CSNK1G2: variants seen among roughly 807,000 people sequenced by gnomAD.
The protein encoded by CSNK1G2 is casein kinase 1 gamma 2, also known as casein kinase I isoform gamma-2.
A neutral mutation model predicts 48.0 loss-of-function variants in CSNK1G2; 11 were observed. The observed-to-expected ratio is 0.23, with a 90% CI of 0.14 to 0.38. CSNK1G2 has a LOEUF of 0.38. Among genes scored for constraint, CSNK1G2 ranks in the 10% least tolerant of loss-of-function variants. The pLI, the probability that CSNK1G2 is intolerant of heterozygous loss-of-function variation, is 1.00. For synonymous variants in CSNK1G2, 337 were observed against 254.1 expected, an observed-to-expected ratio of 1.33 and a Z score of -3.10; for missense variants, 446 against 595.5, an observed-to-expected ratio of 0.75 and a Z score of 2.61.
chr19:1,972,161 G>T (rs2015596408), intron 2 of CSNK1G2, among the ~76,000 whole-genome samples: 1 of 152,236 alleles, frequency 6.6e-6, no homozygotes, highest in South Asian at 2.1e-4. Context: ...GCACATCGTG[G>T]TTTCTCAGGG....
intron 1 of CSNK1G2, among the ~76,000 whole-genome samples, chr19:1,964,279 T>G (rs1313906588): frequency 6.3e-5 from 9 of 143,982 alleles, no homozygotes; most frequent in African/African-American, 1.6e-4. Flanking sequence ...GGTGACAGAG[T>G]GAGACCCTGT....
intron 1 of CSNK1G2, among the ~76,000 whole-genome samples, chr19:1,962,744 T>TCC (rs1445693355): frequency 6.6e-6 from 1 of 151,690 alleles, no homozygotes; most frequent in Non-Finnish European, 1.5e-5. Context: ...GGAGGACGAC[T>TCC]CGGTGCAGCA....
chr19:1,949,034 G>A (rs555933747), intron 1 of CSNK1G2, among the ~76,000 whole-genome samples: 339 of 152,346 alleles, frequency 2.2e-3, no homozygotes, highest in Non-Finnish European at 4.1e-3. Flanking sequence ...GGGTCTCGCT[G>A]TCTCGGGTGG....
chr19:1,956,863 A>AG (rs1351259708), intron 1 of CSNK1G2, among the ~76,000 whole-genome samples: 6 of 152,184 alleles, frequency 3.9e-5, no homozygotes, highest in Non-Finnish European at 7.4e-5. Flanking sequence ...TCCGGAATTT[A>AG]GGGCTCAGCC....
chr19:1,979,449 C>T, intron 8 of CSNK1G2, 46 bp downstream of exon 8: 2 of 702,880 alleles, frequency 2.8e-6, no homozygotes, highest in East Asian at 4.9e-5. Flanking sequence ...ACCCCCCACC[C>T]CCCACCCCCA....
rs1167496653 is a variant in CSNK1G2 at position 1,978,780 on chromosome 19, C to A, written c.447+30C>A. 1 of 1,498,638 alleles carries A rather than the reference C, an allele frequency of 6.7e-7. No homozygotes were observed. Among genetic ancestry groups the A allele is most frequent in the East Asian group, 2.5e-5 (1 of 39,678 alleles). 92.8% of individuals were successfully genotyped at this position (1,498,638 alleles called of 1,614,324 possible). A position where few individuals can be genotyped will look rare whatever the true frequency, so the allele number is the denominator to read the frequency against. ...GCGGCGGGCGGGGCGGGGCGGGGCT[C>A]GGAGGGAAGAGGGTGGCCCTGGAGG... On this transcript the variant is annotated intron_variant, in intron 5 of 11. Transcript: ENST00000255641. This position sits in a 1 kb window ranked among gnomAD's most constrained non-coding sequence, Gnocchi z 7.3.
At position 1,978,766 on chromosome 19, in the gene CSNK1G2, G is replaced by A; in HGVS notation, c.447+16G>A. 1 of 1,567,890 alleles carries A rather than the reference G, an allele frequency of 6.4e-7. No homozygotes were observed. The highest frequency in any genetic ancestry group is 8.7e-7 in the Non-Finnish European group (1 of 1,155,988). ...CATCCAGCTGGTGCGCGGCGGGCGG[G>A]GCGGGGCGGGGCTCGGAGGGAAGAG... On this transcript the variant is annotated intron_variant, in intron 5 of 11. Transcript: ENST00000255641. This position sits in a 1 kb window ranked among gnomAD's most constrained non-coding sequence, Gnocchi z 7.3.
intron 1 of CSNK1G2, among the ~76,000 whole-genome samples, chr19:1,947,772 C>T (rs1378551008): frequency 2.6e-5 from 4 of 152,218 alleles, no homozygotes; most frequent in East Asian, 1.9e-4. Context: ...CAGGTGTGTG[C>T]GTGCTGTGCC....
intron 1 of CSNK1G2, among the ~76,000 whole-genome samples, chr19:1,962,695 G>A (rs2015236729): frequency 6.6e-6 from 1 of 152,082 alleles, no homozygotes; most frequent in African/African-American, 2.4e-5. Flanking sequence ...GAAGCGCTGG[G>A]GTGGGTGTGT....
At chr19:1,942,782 C>T (rs1647376599) in intron 1 of CSNK1G2, among the ~76,000 whole-genome samples, 1 of 152,302 alleles carries the variant, frequency 6.6e-6, no homozygotes, top group South Asian at 2.1e-4. Context: ...AGAGGAAAGA[C>T]TGTGTGCCAG....
At chr19:1,959,944 C>CA (rs2015143589) in intron 1 of CSNK1G2, among the ~76,000 whole-genome samples, 1 of 152,210 alleles carries the variant, frequency 6.6e-6, no homozygotes, top group South Asian at 2.1e-4. Flanking sequence ...TTGTGGCTCC[C>CA]ACAACCCCGT....
In CSNK1G2 at chr19:1,978,453, G is replaced by C; in HGVS notation, c.240G>C (p.Lys80Asn). The change falls in exon 4 of 12, where the codon AAG becomes AAC. Residue 80 changes from lysine to asparagine, a missense_variant. Physicochemically the swap from Lys to Asn is moderately conservative, Grantham distance 94. Transcript: ENST00000255641. This position sits in a 1 kb window ranked among gnomAD's most constrained non-coding sequence, Gnocchi z 7.3. ...EYVAIKLEPI[K>N]SRAPQLHLEY... ...TCTTGTGCCCCCAGGAGCCGATCAA[G>C]TCCCGGGCCCCGCAGCTGCACCTGG... The C allele has an allele frequency of 1.9e-6, 3 of 1,609,208 alleles. No individual in the cohort carries two copies. The highest frequency in any genetic ancestry group is 2.5e-6 in the Non-Finnish European group (3 of 1,178,424).
intron 1 of CSNK1G2, among the ~76,000 whole-genome samples, chr19:1,960,197 G>A (rs2015152212): frequency 6.6e-6 from 1 of 152,194 alleles, no homozygotes; most frequent in South Asian, 2.1e-4. Flanking sequence ...TTAGGAGATA[G>A]GTACATCCGG....
intron 1 of CSNK1G2, chr19:1,953,611 G>A: frequency 2.3e-6 from 1 of 432,346 alleles, no homozygotes. Context: ...CTGGGTGAGT[G>A]CCAGCTTTTC....
chr19:1,964,009 GT>G (rs1313671090), intron 1 of CSNK1G2, among the ~76,000 whole-genome samples: 1 of 151,958 alleles, frequency 6.6e-6, no homozygotes, highest in Non-Finnish European at 1.5e-5. Context: ...TAGAGACAGG[GT>G]TTCACCATGT....
At chr19:1,970,626 T>C (rs990797502) in intron 2 of CSNK1G2, among the ~76,000 whole-genome samples, 1 of 152,142 alleles carries the variant, frequency 6.6e-6, no homozygotes, top group Non-Finnish European at 1.5e-5. Context: ...CTGAGCACCT[T>C]TGGGGCCGTT....
At chr19:1,967,333 C>T (rs752642876) in intron 1 of CSNK1G2, among the ~76,000 whole-genome samples, 2 of 152,178 alleles carry the variant, frequency 1.3e-5, no homozygotes, top group Non-Finnish European at 2.9e-5. Context: ...CCCTCTTCAC[C>T]CGCGGCCCCT....
chr19:1,975,622 C>G, intron 2 of CSNK1G2: 1 of 985,366 alleles, frequency 1.0e-6, no homozygotes, highest in South Asian at 4.7e-5. Context: ...CTGTGAATCC[C>G]ACCTCCGAAG....
chr19:1,978,156 TG>T lies in CSNK1G2; in HGVS notation c.188-146del. 1 of 799,664 alleles carries T rather than the reference TG, an allele frequency of 1.3e-6. No homozygotes were observed. The highest frequency in any genetic ancestry group is 2.1e-6 in the Non-Finnish European group (1 of 473,548). The allele number at this position is 799,664 out of a possible 1,614,324, so 49.5% of individuals were successfully genotyped here. On this transcript the variant is annotated intron_variant, in intron 2 of 11. Coordinates refer to ENST00000255641, the MANE Select transcript of CSNK1G2 (RefSeq NM_001319.7). This position sits in a 1 kb window ranked among gnomAD's most constrained non-coding sequence, Gnocchi z 7.3. ...GCCATGGTGCAGTGCTCTGGCAGGCTGGGCCCAGGCCCTGCTGCTGGGCAGT... is the reference window on the plus strand; with the variant it reads ...GCCATGGTGCAGTGCTCTGGCAGGCTGGCCCAGGCCCTGCTGCTGGGCAGT...
Sources: allele counts gnomAD v4.1 joint callset (sites outside exome capture counted in the v4.1 genomes callset), GRCh38; gene constraint gnomAD v4.1.1; non-coding constraint Gnocchi (gnomAD v3.1); transcripts MANE v1.5; gene names NCBI Gene and HGNC (gene_info 2026-07-23, HGNC 2026-07-21).